Variants in DGKG observed in about 807,000 individuals in gnomAD.
DGKG encodes the protein diacylglycerol kinase gamma, also known as DAG kinase gamma.
A neutral mutation model predicts 105.3 loss-of-function variants in DGKG; 78 were observed. The ratio of observed to expected loss-of-function variants is 0.74; its 90% CI spans 0.62 to 0.89. DGKG has a LOEUF of 0.89. DGKG is among the 40% of genes least tolerant of loss of function. DGKG has a pLI of 0.00. For missense variants in DGKG, 958 were observed against 1,020.1 expected, an observed-to-expected ratio of 0.94 and a Z score of 0.83; for synonymous variants, 346 against 367.1, an observed-to-expected ratio of 0.94 and a Z score of 0.66.
chr3:186,261,829 C>T (rs775955600), intron 14 of DGKG, 51 bp from the exon 15 acceptor site: 302 of 1,217,500 alleles, frequency 2.5e-4, no homozygotes, highest in Middle Eastern at 3.9e-4. Flanking sequence ...CAATAGGGGG[C>T]GTGAGATGAG....
intron 10 of DGKG, among the ~76,000 whole-genome samples, chr3:186,273,087 T>C (rs1722395697): frequency 6.6e-6 from 1 of 152,128 alleles, no homozygotes; most frequent in African/African-American, 2.4e-5. Flanking sequence ...TAAATTGTTT[T>C]ACCTCTCTGA....
At chr3:186,302,512 G>GTA (rs1219245968) in intron 3 of DGKG, among the ~76,000 whole-genome samples, 15 of 15,118 alleles carry the variant, frequency 9.9e-4, no homozygotes, top group African/African-American at 4.1e-3. Flanking sequence ...ATATACATAT[G>GTA]TGTATATATA....
Position 186,344,175 on chromosome 3 carries a change from G to A in DGKG, c.-249+17771C>T, listed in dbSNP as rs189244058. On this transcript the variant is annotated intron_variant, in intron 1 of 24. Coordinates refer to ENST00000265022, the MANE Select transcript of DGKG (RefSeq NM_001346.3). Reference sequence around the variant, plus strand: ...GTTCAACCATTGTGGAAAGCAGTATGCAGATTCTTCAAAGAGCTAAAAGCA... The same window carrying A: ...GTTCAACCATTGTGGAAAGCAGTATACAGATTCTTCAAAGAGCTAAAAGCA... Among the ~76,000 whole-genome samples, 116 of 152,318 alleles carry A rather than the reference G, an allele frequency of 7.6e-4. 2 individuals are homozygous for A. The highest frequency in any genetic ancestry group is 2.6e-3 in the African/African-American group (110 of 41,578).
intron 2 of DGKG, among the ~76,000 whole-genome samples, chr3:186,315,806 C>A (rs1378149098): frequency 6.6e-6 from 1 of 152,210 alleles, no homozygotes; most frequent in African/African-American, 2.4e-5. Context: ...CTATGTGAGT[C>A]CCTCCTCCCT....
chr3:186,278,365 C>T (rs1471678843), intron 9 of DGKG, among the ~76,000 whole-genome samples: 8 of 152,138 alleles, frequency 5.3e-5, no homozygotes, highest in African/African-American at 1.9e-4. Context: ...TGAGCCCTTC[C>T]AGTTCCTGGA....
intron 20 of DGKG, among the ~76,000 whole-genome samples, chr3:186,215,254 T>C (rs1417061271): frequency 1.3e-5 from 2 of 151,900 alleles, no homozygotes; most frequent in Non-Finnish European, 2.9e-5. Context: ...CTACTAAAAA[T>C]GCAAAAATGA....
chr3:186,241,759 TGAG>T (rs1720697172), intron 20 of DGKG, among the ~76,000 whole-genome samples: 1 of 152,048 alleles, frequency 6.6e-6, no homozygotes, highest in African/African-American at 2.4e-5. Flanking sequence ...AATTGACTAA[TGAG>T]AAGATACAGA....
chr3:186,258,992 A>G (rs1352771712), intron 16 of DGKG, among the ~76,000 whole-genome samples: 1 of 152,154 alleles, frequency 6.6e-6, no homozygotes, highest in Non-Finnish European at 1.5e-5. Flanking sequence ...TAAGGTCAAT[A>G]TTTCCAATCT....
intron 19 of DGKG, among the ~76,000 whole-genome samples, chr3:186,249,003 C>T (rs1319408860): frequency 6.6e-6 from 1 of 152,132 alleles, no homozygotes; most frequent in African/African-American, 2.4e-5. Flanking sequence ...TGATGGGAAG[C>T]CCACGCTCCA....
intron 3 of DGKG, chr3:186,306,604 G>A: frequency 3.1e-6 from 1 of 325,796 alleles, no homozygotes; most frequent in Non-Finnish European, 5.7e-6. Context: ...GATCTGTTCT[G>A]TTTGTTCTAT....
At chr3:186,178,132 C>T (rs138356090) in intron 22 of DGKG, among the ~76,000 whole-genome samples, 45 of 152,324 alleles carry the variant, frequency 3.0e-4, no homozygotes, top group Non-Finnish European at 4.9e-4. Context: ...GTGGCTTGAT[C>T]TTGGACTTCC....
intron 22 of DGKG, among the ~76,000 whole-genome samples, chr3:186,175,787 T>C (rs1717049675): frequency 6.6e-6 from 1 of 152,086 alleles, no homozygotes; most frequent in Non-Finnish European, 1.5e-5. Context: ...AAAGAAATGA[T>C]CAAGAGAGTT....
At chr3:186,342,271 A>C (rs1217999876) in intron 1 of DGKG, among the ~76,000 whole-genome samples, 1 of 152,238 alleles carries the variant, frequency 6.6e-6, no homozygotes, top group African/African-American at 2.4e-5. Flanking sequence ...ACCTAGAGAT[A>C]TCATGAGTGA....
At chr3:186,295,531 A>G (rs894939775) in intron 5 of DGKG, among the ~76,000 whole-genome samples, 1 of 147,412 alleles carries the variant, frequency 6.8e-6, no homozygotes, top group Non-Finnish European at 1.5e-5. Flanking sequence ...AATAATAGTA[A>G]TAATAATAAT....
In DGKG at chr3:186,280,886, G is replaced by A. The variant is rs912952455; in HGVS notation, c.595-142C>T. On this transcript the variant is annotated intron_variant, in intron 7 of 24. Coordinates refer to ENST00000265022, the MANE Select transcript of DGKG (RefSeq NM_001346.3). ...GCTGGTGCAGTAACTGCCATTTTGT[G>A]AGGAGCTCAGTTTATTTCTGTCTCG... 2.5e-5 allele frequency: 16 copies of A among 650,402 alleles called. No homozygotes were observed. In the African/African-American group the frequency reaches 2.7e-4, roughly 11 times the overall value. The allele number at this position is 650,402 out of a possible 1,614,324, so 40.3% of individuals were successfully genotyped here. A position where few individuals can be genotyped will look rare whatever the true frequency, so the allele number is the denominator to read the frequency against.
At chr3:186,344,296 T>G (rs765086197) in intron 1 of DGKG, among the ~76,000 whole-genome samples, 1 of 152,228 alleles carries the variant, frequency 6.6e-6, no homozygotes, top group Non-Finnish European at 1.5e-5. Context: ...AAATGTTCAC[T>G]GCAGCACTAT....
chr3:186,294,343 A>C (rs1347513943), intron 5 of DGKG, among the ~76,000 whole-genome samples: 2 of 152,126 alleles, frequency 1.3e-5, no homozygotes, highest in Non-Finnish European at 2.9e-5. Flanking sequence ...TTCCTCTTGA[A>C]GTTCCAGATA....
intron 22 of DGKG, among the ~76,000 whole-genome samples, chr3:186,171,946 C>T (rs976756501): frequency 5.3e-5 from 8 of 152,148 alleles, no homozygotes; most frequent in South Asian, 4.1e-4. Context: ...ACCTCTGCCT[C>T]CCAGGTTCAA....
At chr3:186,207,474 C>A in intron 21 of DGKG, 3 of 985,448 alleles carry the variant, frequency 3.0e-6, no homozygotes, top group Non-Finnish European at 3.6e-6. Context: ...ATGACACCTG[C>A]CACTTAGGGC....
Sources: gnomAD v4.1 joint callset for allele counts (sites outside exome capture counted in the v4.1 genomes callset) on GRCh38, gnomAD v4.1.1 for gene constraint, MANE v1.5 for transcripts, NCBI Gene and HGNC (gene_info 2026-07-23, HGNC 2026-07-21) for gene names.